The following ARHGAP10 variants were observed in gnomAD, a reference collection of about 807,000 sequenced individuals.
ARHGAP10 encodes rho GTPase-activating protein 10.
Under a neutral mutation model 108.6 loss-of-function variants are expected in ARHGAP10, and 87 were observed. The ratio of observed to expected loss-of-function variants is 0.80; its 90% CI spans 0.67 to 0.96. ARHGAP10 has a LOEUF of 0.96. Among genes scored for constraint, ARHGAP10 ranks in the 40% least tolerant of loss-of-function variants. ARHGAP10 has a pLI of 0.00. For synonymous variants in ARHGAP10, 347 were observed against 341.1 expected, an observed-to-expected ratio of 1.02 and a Z score of -0.19; for missense variants, 939 against 954.5, an observed-to-expected ratio of 0.98 and a Z score of 0.21.
chr4:147,743,578 G>A (rs904461163), intron 1 of ARHGAP10, among the ~76,000 whole-genome samples: 13 of 152,070 alleles, frequency 8.5e-5, no homozygotes, highest in African/African-American at 3.1e-4. Flanking sequence ...GGGAGTTGGA[G>A]ACCAGCCTGA....
intron 1 of ARHGAP10, among the ~76,000 whole-genome samples, chr4:147,741,776 A>ACG (rs1560733753): frequency 2.8e-5 from 1 of 36,328 alleles, no homozygotes; most frequent in Non-Finnish European, 6.6e-5. Context: ...TTACACACAC[A>ACG]CACACACACA....
chr4:147,894,389 C>T (rs1421691366), intron 10 of ARHGAP10, among the ~76,000 whole-genome samples: 1 of 152,066 alleles, frequency 6.6e-6, no homozygotes, highest in Non-Finnish European at 1.5e-5. Flanking sequence ...AATCTCCTGC[C>T]CATTTAAAAA....
At chr4:148,000,544 A>G (rs1271888843) in intron 18 of ARHGAP10, among the ~76,000 whole-genome samples, 3 of 152,228 alleles carry the variant, frequency 2.0e-5, no homozygotes, top group African/African-American at 7.2e-5. Flanking sequence ...TCCCACCAAC[A>G]GTGTAAAAGT....
At chr4:147,935,892 C>G (rs972798036) in intron 13 of ARHGAP10, among the ~76,000 whole-genome samples, 2 of 152,142 alleles carry the variant, frequency 1.3e-5, no homozygotes, top group African/African-American at 4.8e-5. Context: ...CCCCTTGCAC[C>G]TCTCAGTATG....
intron 1 of ARHGAP10, among the ~76,000 whole-genome samples, chr4:147,736,700 T>A (rs1728429902): frequency 6.6e-6 from 1 of 152,216 alleles, no homozygotes; most frequent in Non-Finnish European, 1.5e-5. Flanking sequence ...TTAATCTAAC[T>A]CAGTGGTTCT....
chr4:147,778,167 A>AT (rs1017227383), intron 1 of ARHGAP10, among the ~76,000 whole-genome samples: 1 of 152,148 alleles, frequency 6.6e-6, no homozygotes, highest in African/African-American at 2.4e-5. Flanking sequence ...AATAGATGGC[A>AT]TTTTTTCATG....
intron 14 of ARHGAP10, among the ~76,000 whole-genome samples, chr4:147,940,767 T>C (rs930657518): frequency 3.9e-5 from 6 of 152,240 alleles, no homozygotes; most frequent in African/African-American, 1.4e-4. Context: ...TTAGGAAGCA[T>C]GAGCCAAGTT....
At chr4:148,068,905 G>A (rs897529564) in intron 22 of ARHGAP10, among the ~76,000 whole-genome samples, 23 of 152,168 alleles carry the variant, frequency 1.5e-4, no homozygotes, top group African/African-American at 4.6e-4. Flanking sequence ...CCTCACACCC[G>A]TCTTGTTCCC....
chr4:147,840,695 C>T (rs1384384257), intron 3 of ARHGAP10, among the ~76,000 whole-genome samples: 1 of 152,116 alleles, frequency 6.6e-6, no homozygotes, highest in African/African-American at 2.4e-5. Context: ...GACCTGTTCT[C>T]GAGACATCTT....
At chr4:147,754,951 G>A (rs556751063) in intron 1 of ARHGAP10, among the ~76,000 whole-genome samples, 11 of 151,832 alleles carry the variant, frequency 7.2e-5, no homozygotes, top group South Asian at 2.1e-4. Flanking sequence ...AAAAATTAGC[G>A]GACGCCTATA....
At chr4:147,946,735 A>T in intron 15 of ARHGAP10, 31 bp downstream of exon 15, 1 of 1,521,776 alleles carries the variant, frequency 6.6e-7, no homozygotes, top group Non-Finnish European at 8.9e-7. Context: ...AGAAAGAAGA[A>T]TGGACTATTT....
chr4:148,017,908 G>A (rs1178324974), intron 18 of ARHGAP10, among the ~76,000 whole-genome samples: 1 of 152,016 alleles, frequency 6.6e-6, no homozygotes, highest in Non-Finnish European at 1.5e-5. Flanking sequence ...AACAGAGCAT[G>A]AAGGACTTGG....
intron 1 of ARHGAP10, among the ~76,000 whole-genome samples, chr4:147,796,341 ATATATT>A (rs1180279040): frequency 6.6e-6 from 1 of 152,158 alleles, no homozygotes; most frequent in South Asian, 2.1e-4. Context: ...TTGTGGTAAA[ATATATT>A]TATATATCTG....
intron 3 of ARHGAP10, among the ~76,000 whole-genome samples, chr4:147,829,055 AT>A (rs70958587): frequency 0.86 from 116,754 of 136,444 alleles, 51,325 homozygotes; most frequent in Non-Finnish European, 0.97. Flanking sequence ...ATTTTTTTGT[AT>A]TTTTTTTTTT....
At chr4:147,997,946 T>G (rs1354696718) in intron 18 of ARHGAP10, among the ~76,000 whole-genome samples, 3 of 152,126 alleles carry the variant, frequency 2.0e-5, no homozygotes, top group Non-Finnish European at 2.9e-5. Context: ...ACCTTAAAAA[T>G]TATAGAATAT....
At chr4:147,882,048 A>C (rs1332306313) in intron 10 of ARHGAP10, 116 bp downstream of exon 10, 2 of 925,812 alleles carry the variant, frequency 2.2e-6, no homozygotes, top group East Asian at 2.5e-5. Flanking sequence ...TTATCTTGCT[A>C]TATTTCCAGG....
chr4:147,889,621 T>C (rs551425168), intron 10 of ARHGAP10, among the ~76,000 whole-genome samples: 5 of 152,160 alleles, frequency 3.3e-5, no homozygotes, highest in Admixed American at 6.5e-5. Context: ...TACCTTCTTA[T>C]AGCAATTTCT....
intron 1 of ARHGAP10, among the ~76,000 whole-genome samples, chr4:147,810,834 G>A (rs960425265): frequency 2.6e-5 from 4 of 152,176 alleles, no homozygotes; most frequent in East Asian, 1.9e-4. Context: ...AAGCCATCAT[G>A]ACAGGGTCTG....
At chr4:147,772,711 G>A (rs1730128576) in intron 1 of ARHGAP10, among the ~76,000 whole-genome samples, 1 of 152,222 alleles carries the variant, frequency 6.6e-6, no homozygotes, top group Non-Finnish European at 1.5e-5. Flanking sequence ...GGGAAAATAT[G>A]TATTCTACAA....
Sources: allele counts gnomAD v4.1 joint callset (sites outside exome capture counted in the v4.1 genomes callset), GRCh38; gene constraint gnomAD v4.1.1; transcripts MANE v1.5; gene names NCBI Gene and HGNC (gene_info 2026-07-23, HGNC 2026-07-21).